Variants in OPA1 observed in about 807,000 individuals in gnomAD.
OPA1 encodes the protein dynamin-like GTPase OPA1, mitochondrial.
OPA1 carries 59 observed loss-of-function variants against 152.9 expected under a neutral mutation model. That is an observed-to-expected ratio of 0.39 (90% CI 0.31 to 0.48). OPA1 has a LOEUF of 0.48. Ranked by LOEUF, OPA1 falls within the 20% of genes least tolerant of loss-of-function variation. The pLI, the probability that OPA1 is intolerant of heterozygous loss-of-function variation, is 0.96. For missense variants in OPA1, 1,008 were observed against 1,216.8 expected (o/e 0.83, Z 2.55); for synonymous variants, 400 against 389.9 (o/e 1.03, Z -0.31).
At chr3:193,671,501 T>G (rs943756448) in intron 29 of OPA1, among the ~76,000 whole-genome samples, 1 of 152,170 alleles carries the variant, frequency 6.6e-6, no homozygotes, top group Non-Finnish European at 1.5e-5. Flanking sequence ...ATTGGATCTT[T>G]TTGCTCTAAG....
intron 1 of OPA1, among the ~76,000 whole-genome samples, chr3:193,604,597 A>G (rs1726941114): frequency 6.6e-6 from 1 of 152,308 alleles, no homozygotes. Context: ...ATGGTGGCTA[A>G]CGCCTGTAAT....
intron 2 of OPA1, 100 bp from the exon 3 acceptor site, chr3:193,615,574 A>C: frequency 1.3e-6 from 1 of 792,544 alleles, no homozygotes; most frequent in Non-Finnish European, 2.3e-6. Flanking sequence ...AACATAATAC[A>C]TTATTCTTAG....
At chr3:193,682,898 A>G (rs748826772) in intron 29 of OPA1, among the ~76,000 whole-genome samples, 2 of 152,300 alleles carry the variant, frequency 1.3e-5, no homozygotes, top group Non-Finnish European at 2.9e-5. Context: ...ATCAAGGAAT[A>G]CTTTCAACCT....
intron 1 of OPA1, 124 bp downstream of exon 1, chr3:193,593,533 C>A: frequency 9.8e-7 from 1 of 1,019,982 alleles, no homozygotes; most frequent in Non-Finnish European, 1.4e-6. Flanking sequence ...TTGGAGAATT[C>A]CCAGATGTTC....
At position 193,671,579 on chromosome 3, in the gene OPA1, G is replaced by A. The variant is rs532646455; in HGVS notation, c.2983+4299G>A. Among the ~76,000 whole-genome samples, 12 of 152,240 alleles carry A rather than the reference G, an allele frequency of 7.9e-5. No individual in the cohort carries two copies. The South Asian group carries it at 2.5e-3, about 32-fold the overall frequency. On this transcript the variant is annotated intron_variant, in intron 29 of 30. Coordinates refer to ENST00000361510, the MANE Select transcript of OPA1 (RefSeq NM_130837.3). ...GGTTCCATTGTAGTAATATATCAGT[G>A]TTAATTTTTAAATTTTTATTAGGTT... is the stretch of plus-strand genomic sequence containing the variant.
intron 11 of OPA1, among the ~76,000 whole-genome samples, chr3:193,642,376 C>G (rs957424912): frequency 6.6e-6 from 1 of 152,180 alleles, no homozygotes; most frequent in African/African-American, 2.4e-5. Flanking sequence ...ATGAATTGTC[C>G]TTTACCTAAA....
intron 11 of OPA1, among the ~76,000 whole-genome samples, chr3:193,639,096 G>A (rs889983683): frequency 1.3e-5 from 2 of 152,192 alleles, no homozygotes; most frequent in African/African-American, 4.8e-5. Flanking sequence ...GTCCATATCT[G>A]GGAGCACTGA....
chr3:193,652,548 G>A (rs1291120262), intron 21 of OPA1, among the ~76,000 whole-genome samples: 2 of 152,104 alleles, frequency 1.3e-5, no homozygotes, highest in African/African-American at 4.8e-5. Flanking sequence ...GAGAGACTGG[G>A]GTGAGGAGGA....
intron 24 of OPA1, 77 bp from the exon 25 acceptor site, chr3:193,659,405 A>T: frequency 7.8e-7 from 1 of 1,282,872 alleles, no homozygotes; most frequent in Non-Finnish European, 1.1e-6. Flanking sequence ...AATAGTTAAG[A>T]AAGCAAGACC....
rs1733122071 is a variant in OPA1 at position 193,637,395 on chromosome 3, G to A, written c.1035+114G>A. On this transcript the variant is annotated intron_variant, in intron 10 of 30. Coordinates refer to ENST00000361510, the MANE Select transcript of OPA1 (RefSeq NM_130837.3). ...ACACATATATACATACTAGATGTAGGCATTTATATTTTTTATGTAATCTTA... is the reference window on the plus strand; with the variant it reads ...ACACATATATACATACTAGATGTAGACATTTATATTTTTTATGTAATCTTA... The A allele has an allele frequency of 7.2e-6, 4 of 558,050 alleles. No homozygotes were observed. In the South Asian group the frequency reaches 8.5e-5, roughly 12 times the overall value. 34.6% of individuals were successfully genotyped at this position (558,050 alleles called of 1,614,324 possible).
intron 6 of OPA1, 83 bp downstream of exon 6, chr3:193,619,019 A>G (rs1200294799): frequency 8.3e-6 from 9 of 1,082,816 alleles, no homozygotes; most frequent in Non-Finnish European, 1.3e-5. Flanking sequence ...TTTTAAAATG[A>G]TAACATCTGA....
chr3:193,648,274 C>G, intron 20 of OPA1, 140 bp downstream of exon 20: 1 of 645,226 alleles, frequency 1.5e-6, no homozygotes, highest in Non-Finnish European at 2.8e-6. Context: ...GAATACATCT[C>G]TAGGAGCAGT....
rs145210276 is a variant in OPA1, at chr3:193,666,267, C to G, written c.2779-29C>G. 20 of 1,572,314 alleles carry G rather than the reference C, an allele frequency of 1.3e-5. No homozygotes were observed. The African/African-American group carries it at 2.3e-4, about 18-fold the overall frequency. On this transcript the variant is annotated intron_variant, in intron 27 of 30. Transcript: ENST00000361510. Reference sequence around the variant, plus strand: ...GATAGTTTTCATTTTAACTTTGCATCTGGTAATCTTAGTTACTTAATATTT... The same window carrying G: ...GATAGTTTTCATTTTAACTTTGCATGTGGTAATCTTAGTTACTTAATATTT...
chr3:193,604,116 G>C (rs1356378986), intron 1 of OPA1, among the ~76,000 whole-genome samples: 1 of 152,204 alleles, frequency 6.6e-6, no homozygotes, highest in Non-Finnish European at 1.5e-5. Context: ...GCTTCTACCA[G>C]CTTGGCTGCT....
At chr3:193,687,978 T>C (rs917917859) in intron 29 of OPA1, among the ~76,000 whole-genome samples, 2 of 152,164 alleles carry the variant, frequency 1.3e-5, no homozygotes, top group African/African-American at 2.4e-5. Flanking sequence ...TGATCTGTGT[T>C]GCTTGTCTGG....
At position 193,611,086 on chromosome 3, in the gene OPA1, C is replaced by T. The variant is rs542594524; in HGVS notation, c.33-3637C>T. Reference sequence around the variant, plus strand: ...AATCCCCAGTGAGATGAACCCAGTACCTCAGTTGGAAATGCAGAAATCACC... The same window carrying T: ...AATCCCCAGTGAGATGAACCCAGTATCTCAGTTGGAAATGCAGAAATCACC... On this transcript the variant is annotated intron_variant, in intron 1 of 30. Coordinates refer to ENST00000361510, the MANE Select transcript of OPA1 (RefSeq NM_130837.3). Among the ~76,000 whole-genome samples, 43 of 152,304 alleles carry T rather than the reference C, an allele frequency of 2.8e-4. No homozygotes were observed. The South Asian group carries it at 5.4e-3, about 19-fold the overall frequency.
intron 6 of OPA1, among the ~76,000 whole-genome samples, chr3:193,620,406 T>C (rs775526005): frequency 4.6e-5 from 7 of 152,176 alleles, no homozygotes; most frequent in Non-Finnish European, 5.9e-5. Context: ...AGCTCTGCAA[T>C]AGAAAAGAAG....
intron 29 of OPA1, among the ~76,000 whole-genome samples, chr3:193,690,600 G>T (rs1306316192): frequency 1.3e-5 from 2 of 151,980 alleles, no homozygotes; most frequent in East Asian, 3.8e-4. Context: ...TTGAGTTCCT[G>T]CAATGCTAAT....
chr3:193,646,974 G>A (rs2109068901), intron 18 of OPA1, 91 bp from the exon 19 acceptor site: 1 of 790,956 alleles, frequency 1.3e-6, no homozygotes, highest in South Asian at 1.5e-5. Flanking sequence ...AAGAGTGGCT[G>A]TTAGCAAGCA....
Sources: allele counts gnomAD v4.1 joint callset (sites outside exome capture counted in the v4.1 genomes callset), GRCh38; gene constraint gnomAD v4.1.1; transcripts MANE v1.5; gene names NCBI Gene and HGNC (gene_info 2026-07-23, HGNC 2026-07-21).